Variants in TRPM7 observed in about 807,000 individuals in gnomAD.
The protein encoded by TRPM7 is LTRPC ion channel family member 7.
TRPM7 carries 134 observed loss-of-function variants against 229.7 expected under a neutral mutation model. The ratio of observed to expected loss-of-function variants is 0.58; its 90% CI spans 0.51 to 0.67. The LOEUF (loss-of-function observed/expected upper bound fraction) is 0.67, where lower values mean the gene tolerates loss of function less well. Among genes scored for constraint, TRPM7 ranks in the 30% least tolerant of loss-of-function variants. The pLI, the probability that TRPM7 is intolerant of heterozygous loss-of-function variation, is 0.00. For missense variants in TRPM7, 1,901 were observed against 2,210.0 expected, an observed-to-expected ratio of 0.86 and a Z score of 2.80; for synonymous variants, 699 against 715.2, an observed-to-expected ratio of 0.98 and a Z score of 0.36.
chr15:50,583,014 A>C (rs2054497401), intron 29 of TRPM7, 75 bp downstream of exon 29: 1 of 1,117,008 alleles, frequency 9.0e-7, no homozygotes, highest in South Asian at 1.9e-5. Context: ...CCCAAATATC[A>C]CCACTTTGTA....
At chr15:50,579,494 T>C (rs1480080948) in intron 30 of TRPM7, among the ~76,000 whole-genome samples, 3 of 152,216 alleles carry the variant, frequency 2.0e-5, no homozygotes, top group Non-Finnish European at 4.4e-5. Flanking sequence ...CAATCACTCT[T>C]TTCTCAGCAC....
chr15:50,680,772 T>G (rs1257021363), intron 1 of TRPM7, among the ~76,000 whole-genome samples: 1 of 152,130 alleles, frequency 6.6e-6, no homozygotes, highest in Non-Finnish European at 1.5e-5. Flanking sequence ...TCATCTGAGG[T>G]CTTACAAATA....
intron 27 of TRPM7, among the ~76,000 whole-genome samples, chr15:50,589,150 C>T (rs1474262861): frequency 6.6e-6 from 1 of 152,016 alleles, no homozygotes; most frequent in African/African-American, 2.4e-5. Flanking sequence ...GGTAAAACCT[C>T]ATCTCTACTA....
chr15:50,579,501 G>C (rs1290780743), intron 30 of TRPM7, among the ~76,000 whole-genome samples: 1 of 152,160 alleles, frequency 6.6e-6, no homozygotes, highest in Non-Finnish European at 1.5e-5. Context: ...TCTTTTCTCA[G>C]CACTCAAAGG....
chr15:50,617,738 C>A (rs1047770672), intron 13 of TRPM7, among the ~76,000 whole-genome samples: 2 of 152,056 alleles, frequency 1.3e-5, no homozygotes, highest in Admixed American at 1.3e-4. Flanking sequence ...AGCCTCAACT[C>A]CTGGGCTCAA....
rs747483295 is a variant in TRPM7 at position 50,592,621 on chromosome 15, T to C, written c.3614A>G (p.Glu1205Gly). The C allele has an allele frequency of 1.2e-5, 19 of 1,578,356 alleles. No individual in the cohort carries two copies. Among genetic ancestry groups the C allele is most frequent in the Non-Finnish European group, 1.6e-5 (19 of 1,164,046 alleles). The change falls in exon 26 of 39, where the codon GAA becomes GGA. Residue 1205 changes from glutamate to glycine, a missense_variant. Coordinates refer to ENST00000646667, the MANE Select transcript of TRPM7 (RefSeq NM_017672.6). Reference protein sequence around the residue: ...ERIRVTFERVEQMCIQIKEVG... With the variant: ...ERIRVTFERVGQMCIQIKEVG... The stretch of plus-strand genomic sequence containing the variant: ...TTCTTTAATCTGAATGCACATCTGT[T>C]CCACTCTGTAGGAGAGAAATAAGCT...
chr15:50,569,802 C>T (rs2053782551), intron 38 of TRPM7, 85 bp downstream of exon 38: 1 of 764,074 alleles, frequency 1.3e-6, no homozygotes, highest in South Asian at 2.5e-5. Flanking sequence ...TTACATTAAA[C>T]ATTTGTACCT....
At chr15:50,586,602 C>A in intron 27 of TRPM7, 114 bp from the exon 28 acceptor site, 2 of 635,558 alleles carry the variant, frequency 3.1e-6, no homozygotes, top group Non-Finnish European at 5.4e-6. Context: ...CTTTATTCTA[C>A]CTGGACACCA....
chr15:50,587,362 T>C (rs1252940675), intron 27 of TRPM7, among the ~76,000 whole-genome samples: 2 of 151,560 alleles, frequency 1.3e-5, no homozygotes, highest in East Asian at 3.9e-4. Context: ...ATTATTTATG[T>C]GTTTGGAAAG....
intron 21 of TRPM7, among the ~76,000 whole-genome samples, chr15:50,599,879 G>C (rs1245063608): frequency 6.6e-6 from 1 of 152,008 alleles, no homozygotes; most frequent in Non-Finnish European, 1.5e-5. Flanking sequence ...CCAATGTCTG[G>C]GAAACAAATA....
intron 4 of TRPM7, among the ~76,000 whole-genome samples, chr15:50,646,959 A>G (rs934685181): frequency 1.2e-4 from 18 of 152,350 alleles, no homozygotes; most frequent in Middle Eastern, 3.4e-3. Context: ...AGGCTATACC[A>G]TATAGCCTAG....
rs577863654 is a variant in TRPM7, at chr15:50,663,133, C to A, written c.4-87G>T. ...TTTCATGATAAACACATAAACAGTT[C>A]TTTTTTTTTTTTGAGACAGAGTTTT... is the stretch of plus-strand genomic sequence containing the variant. On this transcript the variant is annotated intron_variant, in intron 1 of 38. Coordinates refer to ENST00000646667, the MANE Select transcript of TRPM7 (RefSeq NM_017672.6). The A allele has an allele frequency of 3.8e-5, 31 of 805,512 alleles. 1 individual carries two copies. In the South Asian group the frequency reaches 4.4e-4, roughly 11 times the overall value. The allele number at this position is 805,512 out of a possible 1,614,324, so 49.9% of individuals were successfully genotyped here.
At chr15:50,608,838 T>C (rs985070446) in intron 19 of TRPM7, among the ~76,000 whole-genome samples, 1 of 152,200 alleles carries the variant, frequency 6.6e-6, no homozygotes, top group Non-Finnish European at 1.5e-5. Flanking sequence ...TGGTTAAAAG[T>C]AGGGGCTAAT....
chr15:50,660,691 T>C (rs1198403696), intron 2 of TRPM7, among the ~76,000 whole-genome samples: 1 of 152,180 alleles, frequency 6.6e-6, no homozygotes, highest in Non-Finnish European at 1.5e-5. Flanking sequence ...TCACGTTTTC[T>C]TGATGGTGAT....
chr15:50,569,381 T>G (rs1385538172), intron 38 of TRPM7, among the ~76,000 whole-genome samples: 1 of 152,176 alleles, frequency 6.6e-6, no homozygotes, highest in Non-Finnish European at 1.5e-5. Context: ...AATAGCCTTT[T>G]CTCAATTCTT....
intron 2 of TRPM7, among the ~76,000 whole-genome samples, chr15:50,661,442 A>G (rs1336975334): frequency 2.0e-5 from 3 of 152,172 alleles, no homozygotes; most frequent in Non-Finnish European, 4.4e-5. Flanking sequence ...TTGAAACTCT[A>G]CGTATTGCTT....
At chr15:50,604,830 A>G in intron 21 of TRPM7, 36 bp downstream of exon 21, 3 of 1,511,394 alleles carry the variant, frequency 2.0e-6, no homozygotes, top group Non-Finnish European at 2.7e-6. Context: ...AAAAATCAAT[A>G]AACCCACGAG....
chr15:50,613,662 GAAGAA>G (rs1459123022), intron 15 of TRPM7, 40 bp downstream of exon 15: 17 of 1,445,132 alleles, frequency 1.2e-5, no homozygotes, highest in Non-Finnish European at 1.5e-5. Flanking sequence ...AATTTAGAAA[GAAGAA>G]AATAAAAACC....
chr15:50,600,210 G>A (rs1053421594), intron 21 of TRPM7, among the ~76,000 whole-genome samples: 1 of 152,202 alleles, frequency 6.6e-6, no homozygotes, highest in Non-Finnish European at 1.5e-5. Flanking sequence ...GCCGAGGCAG[G>A]TGGATCACTT....
Sources: allele counts gnomAD v4.1 joint callset (sites outside exome capture counted in the v4.1 genomes callset), GRCh38; gene constraint gnomAD v4.1.1; transcripts MANE v1.5; gene names NCBI Gene and HGNC (gene_info 2026-07-23, HGNC 2026-07-21).